RELL1: variants seen among roughly 807,000 people sequenced by gnomAD.
RELL1 encodes RELT like 1.
RELL1 carries 10 observed loss-of-function variants against 23.0 expected under a neutral mutation model. That is an observed-to-expected ratio of 0.43 (90% CI 0.27 to 0.74). RELL1 has a LOEUF of 0.74. Ranked by LOEUF, RELL1 falls within the 30% of genes least tolerant of loss-of-function variation. The pLI, the probability that RELL1 is intolerant of heterozygous loss-of-function variation, is 0.19. For synonymous variants in RELL1, 146 were observed against 146.8 expected (o/e 0.99, Z 0.04); for missense variants, 315 against 364.4 (o/e 0.86, Z 1.10).
rs765818990 is a variant in RELL1, at chr4:37,647,453, G to T, written c.314-14C>A. The T allele has an allele frequency of 6.3e-7, 1 of 1,590,650 alleles. No individual in the cohort carries two copies. Among genetic ancestry groups the T allele is most frequent in the East Asian group, 2.2e-5 (1 of 44,770 alleles). ...TGTCATTCAATTCTGAAAGAGAAAA[G>T]AGGAGGGGAGAACAGGTTACAATTG... On this transcript the variant is annotated splice_polypyrimidine_tract_variant and intron_variant, in intron 2 of 6. Coordinates refer to ENST00000454158, the MANE Select transcript of RELL1 (RefSeq NM_001085400.2).
exon 7 of RELL1, chr4:37,591,154 G>C: frequency 1.6e-6 from 1 of 627,236 alleles, no homozygotes; most frequent in Non-Finnish European, 2.7e-6. Context: ...GTCAGCATCT[G>C]TCCCATGCTG....
Position 37,611,677 on chromosome 4 carries a change from A to G in RELL1, c.*1669T>C, listed in dbSNP as rs1340555806. Among the ~76,000 whole-genome samples, 1 of 152,124 alleles carries G rather than the reference A, an allele frequency of 6.6e-6. No individual in the cohort carries two copies. The highest frequency in any genetic ancestry group is 2.4e-5 in the African/African-American group (1 of 41,414). ...ACCCCAGAGCTACCATAAATCATGT[A>G]ATACTATTTATGCCTCTGGGTCCTT... On this transcript the variant is annotated 3_prime_UTR_variant, in exon 7 of 7. Coordinates refer to ENST00000454158, the MANE Select transcript of RELL1 (RefSeq NM_001085400.2).
At chr4:37,644,438 T>TTTTATTTATTTATTTA (rs10523379) in intron 3 of RELL1, among the ~76,000 whole-genome samples, 1,756 of 137,862 alleles carry the variant, frequency 0.013, 19 homozygotes, top group Non-Finnish European at 0.016. Context: ...TTATTTTTAT[T>TTTTATTTATTTATTTA]TTTATTTATT....
At chr4:37,649,662 G>C (rs934434648) in intron 1 of RELL1, among the ~76,000 whole-genome samples, 162 bp from the exon 2 acceptor site, 1 of 152,332 alleles carries the variant, frequency 6.6e-6, no homozygotes, top group East Asian at 1.9e-4. Context: ...GCCCAGGTTT[G>C]AGCTCAAACA....
intron 1 of RELL1, among the ~76,000 whole-genome samples, chr4:37,660,339 C>T (rs1024700145): frequency 6.6e-6 from 1 of 152,030 alleles, no homozygotes; most frequent in African/African-American, 2.4e-5. Flanking sequence ...TCCACTATTC[C>T]CCAACCTTCT....
At chr4:37,589,024 A>G, downstream of RELL1, 2 of 687,310 alleles carry the variant, frequency 2.9e-6, no homozygotes, top group Admixed American at 4.8e-5. Flanking sequence ...TTGCCAACAC[A>G]TTAAGAGTTT....
intron 6 of RELL1, among the ~76,000 whole-genome samples, chr4:37,597,090 G>A (rs1175718282): frequency 1.3e-5 from 2 of 151,924 alleles, no homozygotes; most frequent in African/African-American, 4.8e-5. Context: ...ACACATGAGT[G>A]TGGACCACGC....
chr4:37,641,832 C>A (rs1359646370), intron 3 of RELL1, among the ~76,000 whole-genome samples: 1 of 152,202 alleles, frequency 6.6e-6, no homozygotes, highest in African/African-American at 2.4e-5. Flanking sequence ...AATGTAAGCG[C>A]CGGCACGTGC....
At position 37,632,615 on chromosome 4, in the gene RELL1, C is replaced by T. The variant is rs1030655798; in HGVS notation, c.681-1092G>A. On this transcript the variant is annotated intron_variant, in intron 5 of 6. Transcript: ENST00000454158. ...GCAGTCCTATCTCAACACACACACG[C>T]ACACACATGCTCTCACACATATGCA... 2.0e-5 allele frequency among the ~76,000 whole-genome samples: 3 copies of T among 152,128 alleles called. No homozygotes were observed. In the East Asian group the frequency reaches 5.8e-4, roughly 29 times the overall value.
At chr4:37,593,006 A>G (rs1482050333) in intron 6 of RELL1, among the ~76,000 whole-genome samples, 1 of 152,224 alleles carries the variant, frequency 6.6e-6, no homozygotes, top group African/African-American at 2.4e-5. Flanking sequence ...ACAAATGCTT[A>G]ATGAGCCTAT....
chr4:37,666,330 GAAGC>G (rs1721531141), intron 1 of RELL1, among the ~76,000 whole-genome samples: 1 of 152,238 alleles, frequency 6.6e-6, no homozygotes, highest in Non-Finnish European at 1.5e-5. Context: ...ATGAAGCATG[GAAGC>G]AAAAGCAGAA....
At chr4:37,670,656 T>C (rs1721803917) in intron 1 of RELL1, among the ~76,000 whole-genome samples, 1 of 151,844 alleles carries the variant, frequency 6.6e-6, no homozygotes, top group South Asian at 2.1e-4. Context: ...CTGCAACCTC[T>C]GCCTTCCAGG....
intron 1 of RELL1, among the ~76,000 whole-genome samples, chr4:37,671,571 T>C (rs1420787327): frequency 6.6e-6 from 1 of 152,152 alleles, no homozygotes; most frequent in Admixed American, 6.5e-5. Flanking sequence ...GCCATGGCAA[T>C]GTTGGGAAGT....
intron 2 of RELL1, among the ~76,000 whole-genome samples, chr4:37,648,407 C>T (rs1372165554): frequency 6.6e-6 from 1 of 152,208 alleles, no homozygotes; most frequent in Non-Finnish European, 1.5e-5. Context: ...GAGGAACCTC[C>T]CCTCAGCCAG....
intron 5 of RELL1, among the ~76,000 whole-genome samples, chr4:37,633,897 G>A (rs1031366055): frequency 3.9e-5 from 6 of 152,176 alleles, no homozygotes; most frequent in African/African-American, 9.7e-5. Flanking sequence ...TAGAAGTGAC[G>A]AGTTCAGGTT....
intron 6 of RELL1, among the ~76,000 whole-genome samples, chr4:37,598,285 G>A (rs201250157): frequency 2.6e-3 from 70 of 27,330 alleles, no homozygotes; most frequent in East Asian, 3.8e-3. Context: ...AAAAAAAAAA[G>A]TTTATAGGAA....
intron 1 of RELL1, among the ~76,000 whole-genome samples, chr4:37,678,719 C>G (rs962783836): frequency 5.9e-5 from 9 of 152,276 alleles, no homozygotes; most frequent in African/African-American, 1.9e-4. Context: ...TCATCACTTA[C>G]TGTGTGCCAA....
chr4:37,607,579 C>CTTTTTTTTTTTT (rs59939694), downstream of RELL1, among the ~76,000 whole-genome samples: 1 of 113,960 alleles, frequency 8.8e-6, no homozygotes, highest in Non-Finnish European at 1.9e-5. Context: ...TCTTTCTTTT[C>CTTTTTTTTTTTT]TTTTTTTTTT....
Position 37,616,860 on chromosome 4 carries a change from T to A in RELL1, c.*4-3518A>T, listed in dbSNP as rs143866939. The stretch of plus-strand genomic sequence containing the variant: ...CATTCTGCAGTTACACGCTTGCAGG[T>A]TATGATGGCTGTGCATGTGACACCA... On this transcript the variant is annotated intron_variant, in intron 6 of 6. Transcript: ENST00000454158. Among the ~76,000 whole-genome samples, 325 of 152,306 alleles carry A rather than the reference T, an allele frequency of 2.1e-3. 1 individual carries two copies. Among genetic ancestry groups the A allele is most frequent in the African/African-American group, 7.0e-3 (293 of 41,576 alleles).
Sources: allele counts gnomAD v4.1 joint callset (sites outside exome capture counted in the v4.1 genomes callset), GRCh38; gene constraint gnomAD v4.1.1; transcripts MANE v1.5; gene names NCBI Gene and HGNC (gene_info 2026-07-23, HGNC 2026-07-21).